The following PLXNB1 variants were observed in gnomAD, a reference collection of about 807,000 sequenced individuals.
PLXNB1 encodes the protein plexin B1, also known as plexin-B1.
PLXNB1 carries 106 observed loss-of-function variants against 209.4 expected under a neutral mutation model. The observed-to-expected ratio is 0.51, with a 90% CI of 0.43 to 0.59. The LOEUF (loss-of-function observed/expected upper bound fraction) is 0.59. Ranked by LOEUF, PLXNB1 falls within the 20% of genes least tolerant of loss-of-function variation. The pLI is 0.00. For synonymous variants in PLXNB1, 1,167 were observed against 1,183.2 expected (o/e 0.99, Z 0.28); for missense variants, 2,357 against 2,853.2 (o/e 0.83, Z 3.96).
intron 2 of PLXNB1, 134 bp from the exon 3 acceptor site, chr3:48,424,751 G>T: frequency 1.1e-6 from 1 of 898,482 alleles, no homozygotes; most frequent in Non-Finnish European, 1.6e-6. Context: ...GGAGGACCAG[G>T]CTTCTTAGAT....
rs1481641207 is a variant in PLXNB1 at position 48,424,282 on chromosome 3, T to C, written c.330A>G (p.Val110=). Residue 110 remains valine (V), a synonymous_variant, in exon 3 of 38, where the codon GTA becomes GTG. Coordinates refer to ENST00000296440, the MANE Select transcript of PLXNB1 (RefSeq NM_001130082.3). ...LLLVSPGALV[V]CGSVHQGVCE... is the part of the protein sequence containing the mutation. ...AGACCCCCTGGTGCACGCTCCCGCA[T>C]ACCACCAGGGCCCCTGGGCTCACCA... The C allele has an allele frequency of 6.3e-6, 10 of 1,583,922 alleles. No homozygotes were observed. The highest frequency in any genetic ancestry group is 8.6e-6 in the Non-Finnish European group (10 of 1,165,288).
Position 48,412,875 on chromosome 3 carries a change from C to T in PLXNB1, c.4721G>A (p.Arg1574Lys). 6.2e-7 allele frequency: 1 copy of T among 1,613,984 alleles called. No individual in the cohort carries two copies. The highest frequency in any genetic ancestry group is 1.1e-5 in the South Asian group (1 of 91,086). Residue 1574 changes from arginine to lysine, a missense_variant, in exon 25 of 38, where the codon AGG (arginine) becomes AAG (lysine). Arg to Lys is a conservative substitution (Grantham distance 26). Transcript: ENST00000296440. Reference protein sequence around the residue: ...PFLDYKVYAERIFFPGHRESP... With the variant: ...PFLDYKVYAEKIFFPGHRESP... The stretch of plus-strand genomic sequence containing the variant: ...CTCGCGGTGCCCAGGGAAGAAGATC[C>T]TCTCCGCATACACCTTGTAGTCGAG...
chr3:48,414,779 G>A lies in PLXNB1; in HGVS notation c.4209+20C>T. On this transcript the variant is annotated intron_variant, in intron 21 of 37. Coordinates refer to ENST00000296440, the MANE Select transcript of PLXNB1 (RefSeq NM_001130082.3). ...AGGGAAGGGTCTCGGGGCCCTGCCA[G>A]GTCCAAGTAGGAGCTGTACCTCCAC... is the stretch of plus-strand genomic sequence containing the variant. 6.2e-7 allele frequency: 1 copy of A among 1,608,540 alleles called. No individual in the cohort carries two copies. The highest frequency in any genetic ancestry group is 8.5e-7 in the Non-Finnish European group (1 of 1,176,064).
At position 48,429,853 on chromosome 3, in the gene PLXNB1, C is replaced by G. The variant is rs114716147; in HGVS notation, c.-60+155G>C. On this transcript the variant is annotated intron_variant, in intron 1 of 37. Coordinates refer to ENST00000296440, the MANE Select transcript of PLXNB1 (RefSeq NM_001130082.3). This position sits in a 1 kb window ranked among gnomAD's most constrained non-coding sequence, Gnocchi z 6.4. ...CCCGCAGGTGCTGGTGGAACAGCGT[C>G]CCGGCCTCTTCCCGCCCGTCCAGAG... Among the ~76,000 whole-genome samples, 2,076 of 152,136 alleles carry G rather than the reference C, an allele frequency of 0.014. 44 individuals are homozygous for G. The highest frequency in any genetic ancestry group is 0.047 in the African/African-American group (1,937 of 41,502).
chr3:48,419,098 C>A lies in PLXNB1; in HGVS notation c.2833-59G>T. The stretch of plus-strand genomic sequence containing the variant: ...CAGGAGCTGGGCCCAGGGAGTCCTG[C>A]AGGTCACCCAACAGATCCCCCAGCA... On this transcript the variant is annotated intron_variant, in intron 12 of 37. Transcript: ENST00000296440. The surrounding 1 kb of genome is among the most constrained non-coding windows in gnomAD (Gnocchi z 5.7). 1.9e-6 allele frequency: 3 copies of A among 1,600,208 alleles called. No homozygotes were observed. Among genetic ancestry groups the A allele is most frequent in the Non-Finnish European group, 2.6e-6 (3 of 1,170,200 alleles).
chr3:48,421,852 G>T (rs1322453698), intron 6 of PLXNB1, 46 bp from the exon 7 acceptor site: 1 of 1,574,768 alleles, frequency 6.4e-7, no homozygotes, highest in Non-Finnish European at 8.7e-7. Flanking sequence ...ATGGGCCACT[G>T]GGAGTTCATA....
In PLXNB1 at chr3:48,416,339, C is replaced by T. The variant is rs1244127382; in HGVS notation, c.3480+7G>A. 5.6e-6 allele frequency: 9 copies of T among 1,607,202 alleles called. No individual in the cohort carries two copies. Among genetic ancestry groups the T allele is most frequent in the African/African-American group, 2.7e-5 (2 of 74,858 alleles). ...TGGCAGCTGGGGGTGGCTCAGCAGT[C>T]AGGTACCTGGTAGGCAAAGTCGTGT... On this transcript the variant is annotated splice_region_variant and intron_variant, in intron 17 of 37. Coordinates refer to ENST00000296440, the MANE Select transcript of PLXNB1 (RefSeq NM_001130082.3). This position sits in a 1 kb window ranked among gnomAD's most constrained non-coding sequence, Gnocchi z 4.1.
At position 48,405,614 on chromosome 3, in the gene PLXNB1, T is replaced by C. The variant is rs2037270374; in HGVS notation, c.6303+110A>G. The C allele has an allele frequency of 2.4e-6, 2 of 836,320 alleles. No homozygotes were observed. The highest frequency in any genetic ancestry group is 3.8e-6 in the Non-Finnish European group (2 of 520,898). 51.8% of individuals were successfully genotyped at this position (836,320 alleles called of 1,614,324 possible). ...CAAGGGGCCCGGCCCCCCACTACTC[T>C]GTCCCTGGGGAAGACCAAAGCCCCC... On this transcript the variant is annotated intron_variant, in intron 37 of 37. Transcript: ENST00000296440. This position sits in a 1 kb window ranked among gnomAD's most constrained non-coding sequence, Gnocchi z 5.0.
At position 48,409,803 on chromosome 3, in the gene PLXNB1, C is replaced by G. The variant is rs1343953244; in HGVS notation, c.5779-72G>C. 1.3e-5 allele frequency: 20 copies of G among 1,582,818 alleles called. No homozygotes were observed. The highest frequency in any genetic ancestry group is 8.0e-5 in the South Asian group (7 of 87,070). ...AGCAGCAGCCCAGCCTCAGACACCC[C>G]CCGGCACTGTGCCTGCACGAGCCCC... On this transcript the variant is annotated intron_variant, in intron 32 of 37. Coordinates refer to ENST00000296440, the MANE Select transcript of PLXNB1 (RefSeq NM_001130082.3). The surrounding 1 kb of genome is among the most constrained non-coding windows in gnomAD (Gnocchi z 5.8).
At position 48,421,550 on chromosome 3, in the gene PLXNB1, A is replaced by G. The variant is rs555938003; in HGVS notation, c.1653+124T>C. On this transcript the variant is annotated intron_variant, in intron 7 of 37. Transcript: ENST00000296440. ...AATAGATGGGGAAACTGAGCTCCTA[A>G]AAGAAGTGACTTGTGTGAGGCCATG... 719 of 1,221,786 alleles carry G rather than the reference A, an allele frequency of 5.9e-4. 3 individuals are homozygous for G. The highest frequency in any genetic ancestry group is 4.7e-4 in the South Asian group (31 of 65,674). The allele number at this position is 1,221,786 out of a possible 1,614,324, so 75.7% of individuals were successfully genotyped here.
intron 1 of PLXNB1, among the ~76,000 whole-genome samples, chr3:48,425,831 CACACAG>C (rs1410668701): frequency 2.0e-5 from 3 of 149,108 alleles, no homozygotes; most frequent in East Asian, 1.9e-4. Flanking sequence ...CACACACACA[CACACAG>C]AGAGAGAGAG....
chr3:48,404,743 C>T (rs1355639521), intron 37 of PLXNB1, among the ~76,000 whole-genome samples, 153 bp from the exon 38 acceptor site: 1 of 152,116 alleles, frequency 6.6e-6, no homozygotes, highest in African/African-American at 2.4e-5. Flanking sequence ...GACCTCAGGG[C>T]CTCGCTGGCG....
chr3:48,417,863 C>T lies in PLXNB1; in HGVS notation c.3374+48G>A, dbSNP rs763269114. On this transcript the variant is annotated intron_variant, in intron 16 of 37. Transcript: ENST00000296440. The surrounding 1 kb of genome is among the most constrained non-coding windows in gnomAD (Gnocchi z 4.4). ...AGGCCCCAAGCAGCAACGCCAACCG[C>T]GGAGGCCCCAGGCTGCGCCGTGCTC... 35 of 1,565,322 alleles carry T rather than the reference C, an allele frequency of 2.2e-5. No homozygotes were observed. The highest frequency in any genetic ancestry group is 1.4e-4 in the Admixed American group (8 of 55,892).
At position 48,418,842 on chromosome 3, in the gene PLXNB1, A is replaced by G; in HGVS notation, c.2955+75T>C. 1 of 1,572,124 alleles carries G rather than the reference A, an allele frequency of 6.4e-7. No individual in the cohort carries two copies. The highest frequency in any genetic ancestry group is 8.7e-7 in the Non-Finnish European group (1 of 1,148,398). On this transcript the variant is annotated intron_variant, in intron 13 of 37. Coordinates refer to ENST00000296440, the MANE Select transcript of PLXNB1 (RefSeq NM_001130082.3). This position sits in a 1 kb window ranked among gnomAD's most constrained non-coding sequence, Gnocchi z 6.6. ...AGCGTGGCTCTGGAAAGTGTGGTGC[A>G]GCCAGCTACAGTTGGCAGCCAGCCT... is the stretch of plus-strand genomic sequence containing the variant.
chr3:48,422,131 G>C lies in PLXNB1; in HGVS notation c.1494C>G (p.Tyr498Ter). 6.2e-7 allele frequency: 1 copy of C among 1,614,084 alleles called. No individual in the cohort carries two copies. The highest frequency in any genetic ancestry group is 8.5e-7 in the Non-Finnish European group (1 of 1,179,934). The change falls in exon 6 of 38, where the codon TAC becomes TAG. Residue 498 changes from tyrosine (Y) to a stop codon, truncating the protein, a stop_gained. Coordinates refer to ENST00000296440, the MANE Select transcript of PLXNB1 (RefSeq NM_001130082.3). LOFTEE classifies it high-confidence loss of function. ...TGCCAAGGAGCACGCACCACCCACA[G>C]TATGGGTCCCTGTGAGCAAGGCAAG... ...CASCLAHRDP[Y>*]CGWCVLLGRC...
intron 1 of PLXNB1, among the ~76,000 whole-genome samples, chr3:48,427,256 G>A (rs996727050): frequency 6.6e-6 from 1 of 151,912 alleles, no homozygotes; most frequent in Non-Finnish European, 1.5e-5. Flanking sequence ...AACAGCTCCT[G>A]GCCAGGCCAC....
rs1398560255 is a variant in PLXNB1 at position 48,422,332 on chromosome 3, G to A, written c.1418C>T (p.Thr473Ile). ...CCCTGGCTTGTGCCTGGCACTCACT[G>A]TGCTCTGGGTCATGACATACAGGTG... The part of the protein sequence containing the change: ...FEHLYVMTQS[T>I]LLKVPVASCA... The change falls in exon 5 of 38, where the codon ACA (threonine) becomes ATA (isoleucine). Residue 473 changes from threonine (T) to isoleucine (I), a missense_variant and splice_region_variant. Coordinates refer to ENST00000296440, the MANE Select transcript of PLXNB1 (RefSeq NM_001130082.3). 2.5e-6 allele frequency: 4 copies of A among 1,610,994 alleles called. No individual in the cohort carries two copies. Among genetic ancestry groups the A allele is most frequent in the Admixed American group, 3.4e-5 (2 of 59,518 alleles).
chr3:48,411,351 G>A lies in PLXNB1; in HGVS notation c.5248-315C>T, dbSNP rs911175049. 2.6e-5 allele frequency among the ~76,000 whole-genome samples: 4 copies of A among 152,184 alleles called. No homozygotes were observed. The highest frequency in any genetic ancestry group is 1.9e-4 in the East Asian group (1 of 5,192). ...GAATGGGTCAGGCTGACGGAGTTTC[G>A]GGAAGCCTGCATTCCCACCATCGGG... On this transcript the variant is annotated intron_variant, in intron 28 of 37. Coordinates refer to ENST00000296440, the MANE Select transcript of PLXNB1 (RefSeq NM_001130082.3). This position sits in a 1 kb window ranked among gnomAD's most constrained non-coding sequence, Gnocchi z 4.0.
chr3:48,420,071 A>G lies in PLXNB1; in HGVS notation c.2215T>C (p.Trp739Arg), dbSNP rs201403957. ...SPSLLSPWGP[W>R]AGSGSISSPG... ...GAAGATATGGAGCCAGAACCTGCCC[A>G]TGGCCCCCAGGGGCTGAGCAGGGAA... The change falls in exon 11 of 38, where the codon TGG (tryptophan) becomes CGG (arginine). Residue 739 changes from tryptophan to arginine, a missense_variant. By Grantham distance (101) the Trp-to-Arg change is moderately radical (BLOSUM62 -3). This residue lies in a region of PLXNB1 where 410 missense variants were observed against 401.0 expected (regional missense o/e 1.02). Transcript: ENST00000296440. 5.7e-5 allele frequency: 92 copies of G among 1,613,366 alleles called. No individual in the cohort carries two copies. Among genetic ancestry groups the G allele is most frequent in the Non-Finnish European group, 5.6e-5 (66 of 1,179,886 alleles).
Sources: gnomAD v4.1 joint callset for allele counts (sites outside exome capture counted in the v4.1 genomes callset) on GRCh38, gnomAD v4.1.1 for gene constraint, gnomAD v4.1.1 regional missense constraint, Gnocchi (gnomAD v3.1) non-coding constraint, MANE v1.5 for transcripts, NCBI Gene and HGNC (gene_info 2026-07-23, HGNC 2026-07-21) for gene names.